Variants in ADAM12 observed in about 807,000 individuals in gnomAD.
ADAM12 encodes disintegrin and metalloproteinase domain-containing protein 12.
A neutral mutation model predicts 106.4 loss-of-function variants in ADAM12; 70 were observed. The observed-to-expected ratio is 0.66, with a 90% CI of 0.54 to 0.80. ADAM12 has a LOEUF of 0.80. ADAM12 is among the 30% of genes least tolerant of loss of function. The probability of loss-of-function intolerance (pLI) is 0.00; values close to 1 mark genes in which losing one functional copy is unlikely to be tolerated. For synonymous variants in ADAM12, 420 were observed against 433.5 expected (o/e 0.97, Z 0.39); for missense variants, 1,010 against 1,171.9 (o/e 0.86, Z 2.02).
intron 2 of ADAM12, among the ~76,000 whole-genome samples, chr10:126,295,571 A>G (rs541442676): frequency 6.6e-6 from 1 of 151,638 alleles, no homozygotes; most frequent in South Asian, 2.1e-4. Context: ...ACACACACAC[A>G]TCTCTGTTCT....
intron 1 of ADAM12, among the ~76,000 whole-genome samples, chr10:126,387,355 G>A (rs986985085): frequency 2.0e-5 from 3 of 152,124 alleles, no homozygotes; most frequent in African/African-American, 4.8e-5. Context: ...GTAAGTTCTC[G>A]CTGTGCACCA....
chr10:126,100,926 C>T lies in ADAM12; in HGVS notation c.911+146G>A, dbSNP rs529305812. The T allele has an allele frequency of 6.5e-4, 500 of 763,982 alleles. 1 individual carries two copies. The South Asian group carries it at 7.2e-3, about 11-fold the overall frequency. The allele number at this position is 763,982 out of a possible 1,614,324, so 47.3% of individuals were successfully genotyped here. On this transcript the variant is annotated intron_variant, in intron 9 of 22. Coordinates refer to ENST00000448723, the MANE Select transcript of ADAM12 (RefSeq NM_001288973.2). ...AGTTCCAGGTGAGGGTGGCATCTGCCCCCCTGGTGTGAGCTGAGAAGCCCC... is the reference window on the plus strand; with the variant it reads ...AGTTCCAGGTGAGGGTGGCATCTGCTCCCCTGGTGTGAGCTGAGAAGCCCC...
chr10:126,145,414 C>T (rs1956607448), intron 4 of ADAM12: 2 of 152,676 alleles, frequency 1.3e-5, no homozygotes, highest in South Asian at 4.1e-4. Context: ...ACACCATAGC[C>T]AGAAACGTAT....
intron 22 of ADAM12, among the ~76,000 whole-genome samples, chr10:126,018,612 G>A (rs1953702410): frequency 6.6e-6 from 1 of 152,134 alleles, no homozygotes; most frequent in Admixed American, 6.5e-5. Context: ...TCATAAATTT[G>A]TATAATTTAA....
At chr10:126,144,603 G>A (rs1956590513) in intron 4 of ADAM12, among the ~76,000 whole-genome samples, 1 of 152,128 alleles carries the variant, frequency 6.6e-6, no homozygotes, top group Non-Finnish European at 1.5e-5. Context: ...TGGATATTGT[G>A]TGAAAATGCA....
chr10:126,094,743 C>A (rs1955525393), intron 10 of ADAM12, among the ~76,000 whole-genome samples: 1 of 152,076 alleles, frequency 6.6e-6, no homozygotes, highest in Non-Finnish European at 1.5e-5. Flanking sequence ...GATTATAAAC[C>A]AGCTATATCT....
At chr10:126,360,165 C>A (rs887247314) in intron 1 of ADAM12, among the ~76,000 whole-genome samples, 3 of 152,176 alleles carry the variant, frequency 2.0e-5, no homozygotes, top group African/African-American at 7.2e-5. Flanking sequence ...CGAAACCATT[C>A]TTTTCCCCCT....
At chr10:126,108,759 C>T in intron 7 of ADAM12, 95 bp from the exon 8 acceptor site, 3 of 1,166,932 alleles carry the variant, frequency 2.6e-6, no homozygotes, top group Non-Finnish European at 3.8e-6. Context: ...TGGGATTTTA[C>T]AAACCACTGG....
At chr10:126,346,585 TTC>T (rs1232656788) in intron 1 of ADAM12, among the ~76,000 whole-genome samples, 1 of 152,204 alleles carries the variant, frequency 6.6e-6, no homozygotes, top group South Asian at 2.1e-4. Flanking sequence ...CTTTTTAACT[TTC>T]TGTCTCGTTG....
chr10:126,386,508 T>C (rs1856664865), intron 1 of ADAM12, among the ~76,000 whole-genome samples: 1 of 152,178 alleles, frequency 6.6e-6, no homozygotes, highest in Non-Finnish European at 1.5e-5. Flanking sequence ...AGGTAACCCA[T>C]TCAAAGTGCT....
chr10:126,336,266 A>G (rs1854695995), intron 1 of ADAM12, among the ~76,000 whole-genome samples: 1 of 152,158 alleles, frequency 6.6e-6, no homozygotes, highest in African/African-American at 2.4e-5. Flanking sequence ...CGTTCTAAAA[A>G]TGAAGTCTAC....
At position 126,337,508 on chromosome 10, in the gene ADAM12, C is replaced by T. The variant is rs61648449; in HGVS notation, c.89-6999G>A. On this transcript the variant is annotated intron_variant, in intron 1 of 22. Coordinates refer to ENST00000448723, the MANE Select transcript of ADAM12 (RefSeq NM_001288973.2). ...AAGGAAATCAGAAGCCTCAGCAAGC[C>T]AGATCATCCCACCTTCCTCCACCTG... Among the ~76,000 whole-genome samples the T allele has an allele frequency of 5.5e-3, 842 of 152,282 alleles. 13 individuals carry two copies. The highest frequency in any genetic ancestry group is 0.019 in the African/African-American group (802 of 41,544).
chr10:126,158,328 T>G (rs1320879375), intron 3 of ADAM12, among the ~76,000 whole-genome samples: 10 of 127,210 alleles, frequency 7.9e-5, no homozygotes, highest in Non-Finnish European at 8.2e-5. Flanking sequence ...GCACAGAGCA[T>G]GGAGGGGAGG....
At chr10:126,035,575 CTTG>C (rs1374954800) in intron 21 of ADAM12, among the ~76,000 whole-genome samples, 6 of 152,076 alleles carry the variant, frequency 3.9e-5, no homozygotes, top group Non-Finnish European at 7.4e-5. Context: ...TACTTATTTG[CTTG>C]TTTTCTCCTC....
chr10:126,265,126 C>T (rs1281419866), intron 3 of ADAM12, among the ~76,000 whole-genome samples: 1 of 152,136 alleles, frequency 6.6e-6, no homozygotes, highest in East Asian at 1.9e-4. Context: ...GAACCTTTTA[C>T]AAATGTGGAC....
At chr10:126,046,220 A>G in intron 16 of ADAM12, 88 bp from the exon 17 acceptor site, 1 of 1,237,922 alleles carries the variant, frequency 8.1e-7, no homozygotes, top group Non-Finnish European at 1.2e-6. Context: ...ACAAAAAGCA[A>G]GCAAAAGAAA....
At chr10:126,198,499 T>G (rs1347769471) in intron 3 of ADAM12, among the ~76,000 whole-genome samples, 1 of 152,170 alleles carries the variant, frequency 6.6e-6, no homozygotes, top group African/African-American at 2.4e-5. Flanking sequence ...GCTATCTGGT[T>G]TGTGGACGCA....
At chr10:126,204,667 C>T (rs1957764229) in intron 3 of ADAM12, among the ~76,000 whole-genome samples, 1 of 152,178 alleles carries the variant, frequency 6.6e-6, no homozygotes, top group Non-Finnish European at 1.5e-5. Context: ...AATTTAAAGA[C>T]GGTGATAGCA....
chr10:126,252,367 G>C (rs971093181), intron 3 of ADAM12, among the ~76,000 whole-genome samples: 1 of 152,168 alleles, frequency 6.6e-6, no homozygotes, highest in Non-Finnish European at 1.5e-5. Flanking sequence ...TGAAGAATAA[G>C]AAGGCCCATG....
Sources: gnomAD v4.1 joint callset for allele counts (sites outside exome capture counted in the v4.1 genomes callset) on GRCh38, gnomAD v4.1.1 for gene constraint, MANE v1.5 for transcripts, NCBI Gene and HGNC (gene_info 2026-07-23, HGNC 2026-07-21) for gene names.